The following MAVS variants were observed in gnomAD, a reference collection of about 807,000 sequenced individuals.
MAVS encodes the protein mitochondrial antiviral signaling protein.
Under a neutral mutation model 30.2 loss-of-function variants are expected in MAVS, and 20 were observed. That is an observed-to-expected ratio of 0.66 (90% CI 0.47 to 0.96). The LOEUF is 0.96. Ranked by LOEUF, MAVS falls within the 40% of genes least tolerant of loss-of-function variation. The probability of loss-of-function intolerance (pLI) is 0.00; values close to 1 mark genes in which losing one functional copy is unlikely to be tolerated. For missense variants in MAVS, 624 were observed against 701.1 expected (o/e 0.89, Z 1.24); for synonymous variants, 278 against 293.9 (o/e 0.95, Z 0.55).
chr20:3,858,010 G>A, intron 3 of MAVS: 1 of 627,050 alleles, frequency 1.6e-6, no homozygotes, highest in South Asian at 1.8e-5. Context: ...ATTTCCCTGA[G>A]CCTCAGGCCT....
In MAVS at chr20:3,872,967, G is replaced by A. The variant is rs1216205816; in HGVS notation, c.*6820G>A. On this transcript the variant is annotated 3_prime_UTR_variant, in exon 7 of 7. Coordinates refer to ENST00000428216, the MANE Select transcript of MAVS (RefSeq NM_020746.5). The stretch of plus-strand genomic sequence containing the variant: ...GTTTAATGGAGTGTTCCTGGAATAT[G>A]AAGTGGGGGCAGGCATTAGGGGTGG... The A allele has an allele frequency of 2.0e-5, 3 of 152,384 alleles. No individual in the cohort carries two copies. The highest frequency in any genetic ancestry group is 4.4e-5 in the Non-Finnish European group (3 of 68,088). 9.4% of individuals were successfully genotyped at this position (152,384 alleles called of 1,614,324 possible).
chr20:3,849,902 G>A (rs180994724), intron 1 of MAVS, among the ~76,000 whole-genome samples: 10 of 152,284 alleles, frequency 6.6e-5, no homozygotes, highest in East Asian at 1.9e-4. Context: ...GAAAAGTAAC[G>A]AGCAAATACA....
rs1272885112 is a variant in MAVS, at chr20:3,866,856, C to T, written c.*709C>T. 2.2e-6 allele frequency: 1 copy of T among 457,434 alleles called. No individual in the cohort carries two copies. The highest frequency in any genetic ancestry group is 4.4e-6 in the Non-Finnish European group (1 of 226,892). 28.3% of individuals were successfully genotyped at this position (457,434 alleles called of 1,614,324 possible). ...CTCTGGTCTCCATTCTCTTCAGCTC[C>T]CTACATGGGCTGGGGAGGAGACACC... On this transcript the variant is annotated 3_prime_UTR_variant, in exon 7 of 7. Transcript: ENST00000428216.
chr20:3,860,249 AC>A (rs922532417), intron 3 of MAVS, among the ~76,000 whole-genome samples: 3 of 150,464 alleles, frequency 2.0e-5, no homozygotes, highest in African/African-American at 7.3e-5. Flanking sequence ...TTTTTTTGAG[AC>A]AGAGTCTTGC....
chr20:3,862,436 T>C (rs756475015), intron 5 of MAVS, 23 bp downstream of exon 5: 3 of 1,603,518 alleles, frequency 1.9e-6, no homozygotes, highest in East Asian at 2.3e-5. Flanking sequence ...TCTGGAATTA[T>C]AGGGTCCTTC....
chr20:3,851,989 G>GCTTTTTT (rs1568531926), intron 1 of MAVS, among the ~76,000 whole-genome samples: 1 of 97,514 alleles, frequency 1.0e-5, no homozygotes, highest in East Asian at 4.1e-4. Flanking sequence ...TGTGTAGCAG[G>GCTTTTTT]CTTTTTTTTT....
Position 3,862,289 on chromosome 20 carries a change from A to G in MAVS, c.501A>G (p.Arg167=). The change falls in exon 5 of 7, where the codon AGA becomes AGG. Residue 167 remains arginine, a synonymous_variant. Coordinates refer to ENST00000428216, the MANE Select transcript of MAVS (RefSeq NM_020746.5). The part of the protein sequence containing the change: ...SEQALQTLSP[R]AIPRNPDGGP... ...AAGCCCTGCAGACGCTCAGCCCCAG[A>G]GCCATCCCAAGGAATCCAGATGGTG... The G allele has an allele frequency of 6.2e-7, 1 of 1,614,074 alleles. No individual in the cohort carries two copies. The highest frequency in any genetic ancestry group is 8.5e-7 in the Non-Finnish European group (1 of 1,180,014).
rs1568540795 is a variant in MAVS at position 3,870,063 on chromosome 20, G to C, written c.*3916G>C. 1 of 152,376 alleles carries C rather than the reference G, an allele frequency of 6.6e-6. No individual in the cohort carries two copies. The highest frequency in any genetic ancestry group is 1.5e-5 in the Non-Finnish European group (1 of 68,084). The allele number at this position is 152,376 out of a possible 1,614,324, so 9.4% of individuals were successfully genotyped here. On this transcript the variant is annotated 3_prime_UTR_variant, in exon 7 of 7. Transcript: ENST00000428216. ...TCAGATCTCAGGAGTCCTGTGTTGA[G>C]AGTGTGGCTTTCAGCTGCGGGGAGC...
Position 3,865,678 on chromosome 20 carries a change from C to T in MAVS, c.1159-5C>T, listed in dbSNP as rs775128397. ...TCCCTTCCAGTGCTCTCCTTTCTTTCCCAGGAGACCCCAGCAGCTCCAACA... is the reference window on the plus strand; with the variant it reads ...TCCCTTCCAGTGCTCTCCTTTCTTTTCCAGGAGACCCCAGCAGCTCCAACA... On this transcript the variant is annotated splice_region_variant and splice_polypyrimidine_tract_variant and intron_variant, in intron 6 of 6. Transcript: ENST00000428216. This position sits in a 1 kb window ranked among gnomAD's most constrained non-coding sequence, Gnocchi z 4.7. 6 of 1,595,498 alleles carry T rather than the reference C, an allele frequency of 3.8e-6. No homozygotes were observed. The highest frequency in any genetic ancestry group is 5.1e-6 in the Non-Finnish European group (6 of 1,169,906).
chr20:3,862,474 G>A, intron 5 of MAVS, 61 bp downstream of exon 5: 2 of 1,512,542 alleles, frequency 1.3e-6, no homozygotes, highest in Non-Finnish European at 1.8e-6. Flanking sequence ...GTAAGAATTA[G>A]AGTTGCCCCA....
At chr20:3,856,649 C>CG (rs1600447017) in intron 2 of MAVS, among the ~76,000 whole-genome samples, 6 of 151,960 alleles carry the variant, frequency 3.9e-5, no homozygotes, top group Admixed American at 3.9e-4. Context: ...GGCTATTTTC[C>CG]TTTTTCTAAA....
chr20:3,858,093 C>G (rs185323127), intron 3 of MAVS, among the ~76,000 whole-genome samples: 3 of 152,104 alleles, frequency 2.0e-5, no homozygotes, highest in Admixed American at 6.6e-5. Flanking sequence ...CGGGACGATG[C>G]GTGTTGAGTA....
intron 1 of MAVS, among the ~76,000 whole-genome samples, chr20:3,853,091 G>T (rs1343377511): frequency 6.7e-6 from 1 of 149,602 alleles, no homozygotes; most frequent in Non-Finnish European, 1.5e-5. Flanking sequence ...CATCCGCCTC[G>T]GCCTCCCAAC....
chr20:3,854,803 C>A, intron 2 of MAVS, 62 bp downstream of exon 2: 2 of 1,195,624 alleles, frequency 1.7e-6, no homozygotes, highest in South Asian at 1.3e-5. Flanking sequence ...ATTCAAAGCT[C>A]AGCCCCATCC....
At position 3,871,233 on chromosome 20, in the gene MAVS, G is replaced by A. The variant is rs1053969092; in HGVS notation, c.*5086G>A. ...AGAGTGAAGGGTTGAGAAAGCCAAG[G>A]GGCAGATGCGGGTCTGGAGGATTTT... On this transcript the variant is annotated 3_prime_UTR_variant, in exon 7 of 7. Transcript: ENST00000428216. The A allele has an allele frequency of 6.5e-6, 1 of 153,934 alleles. No individual in the cohort carries two copies. The highest frequency in any genetic ancestry group is 1.5e-5 in the Non-Finnish European group (1 of 68,092). 9.5% of individuals were successfully genotyped at this position (153,934 alleles called of 1,614,324 possible).
chr20:3,855,810 G>T (rs6052125), intron 2 of MAVS, among the ~76,000 whole-genome samples: 6,463 of 151,812 alleles, frequency 0.043, 176 homozygotes, highest in South Asian at 0.094. Flanking sequence ...ACGGAGTCTC[G>T]CTGTGTTGCC....
chr20:3,857,401 G>C (rs1226706124), intron 2 of MAVS, among the ~76,000 whole-genome samples: 1 of 152,222 alleles, frequency 6.6e-6, no homozygotes, highest in Non-Finnish European at 1.5e-5. Context: ...CCTTAATGGA[G>C]AGCCCAGGAC....
chr20:3,862,728 G>A (rs1455904603), intron 5 of MAVS, among the ~76,000 whole-genome samples: 1 of 152,108 alleles, frequency 6.6e-6, no homozygotes, highest in Non-Finnish European at 1.5e-5. Flanking sequence ...TTCCTCTCAA[G>A]TACTCACCGG....
Position 3,866,917 on chromosome 20 carries a change from G to A in MAVS, c.*770G>A, listed in dbSNP as rs1424021154. The A allele has an allele frequency of 4.4e-6, 2 of 457,058 alleles. No homozygotes were observed. The highest frequency in any genetic ancestry group is 3.1e-5 in the South Asian group (2 of 64,574). The allele number at this position is 457,058 out of a possible 1,614,324, so 28.3% of individuals were successfully genotyped here. On this transcript the variant is annotated 3_prime_UTR_variant, in exon 7 of 7. Transcript: ENST00000428216. ...AGCTCAGGCAGAGGTTTGGATTTCA[G>A]CTCCCTCACTTCCGGGGCTGTGTGG...
Sources: allele counts gnomAD v4.1 joint callset (sites outside exome capture counted in the v4.1 genomes callset), GRCh38; gene constraint gnomAD v4.1.1; non-coding constraint Gnocchi (gnomAD v3.1); transcripts MANE v1.5; gene names NCBI Gene and HGNC (gene_info 2026-07-23, HGNC 2026-07-21).